Variants in ITIH5 observed in about 807,000 individuals in gnomAD.
ITIH5 encodes inter-alpha-trypsin inhibitor heavy chain H5.
In ITIH5, 65 loss-of-function variants were observed where a neutral mutation model predicts 77.5. The observed-to-expected ratio is 0.84, with a 90% CI of 0.69 to 1.03. The LOEUF (loss-of-function observed/expected upper bound fraction) is 1.03, where lower values mean the gene tolerates loss of function less well. Ranked by LOEUF, ITIH5 falls within the 50% of genes least tolerant of loss-of-function variation. ITIH5 has a pLI of 0.00. For missense variants in ITIH5, 1,208 were observed against 1,213.1 expected, an observed-to-expected ratio of 1.00 and a Z score of 0.06; for synonymous variants, 525 against 494.3, an observed-to-expected ratio of 1.06 and a Z score of -0.82.
At chr10:7,595,705 G>A (rs1056946259) in intron 7 of ITIH5, among the ~76,000 whole-genome samples, 6 of 152,228 alleles carry the variant, frequency 3.9e-5, no homozygotes, top group African/African-American at 1.4e-4. Flanking sequence ...CACAAGGCAG[G>A]ACATAAATAT....
chr10:7,612,049 G>A (rs1333832292), intron 7 of ITIH5, among the ~76,000 whole-genome samples: 1 of 151,702 alleles, frequency 6.6e-6, no homozygotes, highest in African/African-American at 2.4e-5. Flanking sequence ...AAATGTTTTT[G>A]GAATGTGTAC....
chr10:7,644,981 C>T (rs147469101), intron 2 of ITIH5, among the ~76,000 whole-genome samples: 3,361 of 142,916 alleles, frequency 0.024, 108 homozygotes, highest in Non-Finnish European at 0.038. Flanking sequence ...ATCAAGCACA[C>T]CTGAGGATGG....
chr10:7,662,463 A>G (rs77328152), intron 1 of ITIH5, among the ~76,000 whole-genome samples: 2,003 of 152,302 alleles, frequency 0.013, 42 homozygotes, highest in African/African-American at 0.046. Context: ...TCCTAAAAAA[A>G]GCTCAGGTCT....
At chr10:7,621,545 A>G (rs1364032331) in intron 5 of ITIH5, 1 of 152,222 alleles carries the variant, frequency 6.6e-6, no homozygotes, top group Non-Finnish European at 1.5e-5. Flanking sequence ...TTACTCACCA[A>G]GGAGCCTGGT....
chr10:7,563,434 G>T, intron 13 of ITIH5, 50 bp from the exon 14 acceptor site: 1 of 1,532,450 alleles, frequency 6.5e-7, no homozygotes, highest in Non-Finnish European at 8.9e-7. Flanking sequence ...CAGAAACCTC[G>T]TGCTGAACTC....
intron 8 of ITIH5, among the ~76,000 whole-genome samples, chr10:7,582,920 T>C (rs1832596401): frequency 6.6e-6 from 1 of 152,168 alleles, no homozygotes. Flanking sequence ...GACGATCTAG[T>C]ACTTGGTAGT....
intron 13 of ITIH5, among the ~76,000 whole-genome samples, chr10:7,563,922 G>A (rs572880148): frequency 3.9e-5 from 6 of 152,396 alleles, no homozygotes; most frequent in Middle Eastern, 3.4e-3. Context: ...CAGGCCCCAC[G>A]AAACGCGGCC....
chr10:7,642,224 T>A, intron 2 of ITIH5, 134 bp from the exon 3 acceptor site: 3 of 654,424 alleles, frequency 4.6e-6, no homozygotes, highest in Non-Finnish European at 7.7e-6. Flanking sequence ...TCCAATTTCC[T>A]TTCTTCTTCT....
In ITIH5 at chr10:7,641,974, C is replaced by A. The variant is rs1833896695; in HGVS notation, c.252G>T (p.Glu84Asp). Residue 84 changes from glutamate (E) to aspartate (D), a missense_variant, in exon 3 of 14, where the codon GAG becomes GAT. Glu to Asp is a conservative substitution (Grantham distance 45, BLOSUM62 2). Transcript: ENST00000397146. Reference sequence around the variant, plus strand: ...CTGCAGCTGGAATCTGCATCTGGAACTCAATGTCCTGGTCTTCAGAAGCTC... The same window carrying A: ...CTGCAGCTGGAATCTGCATCTGGAAATCAATGTCCTGGTCTTCAGAAGCTC... ...LNRASEDQDI[E>D]FQMQIPAAAF... 7 of 1,614,026 alleles carry A rather than the reference C, an allele frequency of 4.3e-6. No individual in the cohort carries two copies. Among genetic ancestry groups the A allele is most frequent in the Non-Finnish European group, 5.1e-6 (6 of 1,179,988 alleles).
chr10:7,609,033 C>T (rs569085588), intron 7 of ITIH5, among the ~76,000 whole-genome samples: 66 of 152,256 alleles, frequency 4.3e-4, no homozygotes, highest in African/African-American at 1.3e-3. Flanking sequence ...CCATATGTGA[C>T]GTTACAGAGA....
At chr10:7,613,579 T>C (rs1027318588) in intron 7 of ITIH5, among the ~76,000 whole-genome samples, 1 of 152,150 alleles carries the variant, frequency 6.6e-6, no homozygotes, top group Non-Finnish European at 1.5e-5. Context: ...AGAACTTAAA[T>C]ATTTTCTTTA....
chr10:7,659,129 C>A (rs1834235201), intron 1 of ITIH5, among the ~76,000 whole-genome samples: 1 of 152,140 alleles, frequency 6.6e-6, no homozygotes, highest in Admixed American at 6.5e-5. Context: ...GTAATCCCAG[C>A]ACTCCGGGAG....
At chr10:7,574,412 CT>C (rs1243801381) in intron 10 of ITIH5, among the ~76,000 whole-genome samples, 5 of 152,066 alleles carry the variant, frequency 3.3e-5, no homozygotes, top group Non-Finnish European at 7.3e-5. Flanking sequence ...GGAGTGGCAG[CT>C]GCCACCAACT....
chr10:7,631,685 G>A (rs111682771), intron 5 of ITIH5, among the ~76,000 whole-genome samples: 12 of 152,206 alleles, frequency 7.9e-5, no homozygotes, highest in African/African-American at 2.9e-4. Context: ...GTATCTGAGA[G>A]TGAAAACTTG....
rs1564277727 is a variant in ITIH5, at chr10:7,644,619, T to TATATCACATATATATCATAC, written c.136-2530_136-2529insGTATGATATATATGTGATAT. Reference sequence around the variant, plus strand: ...TCATACATATCACATATATCACATATATATCACATATATCACATATATATC... The same window carrying TATATCACATATATATCATAC: ...TCATACATATCACATATATCACATATATATCACATATATATCATACATATCACATATATCACATATATATC... On this transcript the variant is annotated intron_variant, in intron 2 of 13. Transcript: ENST00000397146. Among the ~76,000 whole-genome samples the TATATCACATATATATCATAC allele has an allele frequency of 2.1e-3, 221 of 104,046 alleles. 4 individuals carry two copies. Among genetic ancestry groups the TATATCACATATATATCATAC allele is most frequent in the African/African-American group, 6.9e-3 (212 of 30,514 alleles). The allele number at this position is 104,046 out of a possible 152,430, so 68.3% of individuals were successfully genotyped here.
At chr10:7,598,857 T>C (rs1332884530) in intron 7 of ITIH5, among the ~76,000 whole-genome samples, 1 of 152,226 alleles carries the variant, frequency 6.6e-6, no homozygotes, top group East Asian at 1.9e-4. Context: ...AAAGGCTGAA[T>C]AGGTTTAGAT....
rs184672666 is a variant in ITIH5 at position 7,609,900 on chromosome 10, A to T, written c.939+6082T>A. On this transcript the variant is annotated intron_variant, in intron 7 of 13. Coordinates refer to ENST00000397146, the MANE Select transcript of ITIH5 (RefSeq NM_030569.7). ...TAATTCTATAGATCAGGGAAAGGAA[A>T]GACAAGAAAGTGGACACCATGGTCA... Among the ~76,000 whole-genome samples the T allele has an allele frequency of 2.6e-5, 4 of 152,232 alleles. No homozygotes were observed. The East Asian group carries it at 7.7e-4, about 29-fold the overall frequency.
At chr10:7,644,362 T>C (rs1046274986) in intron 2 of ITIH5, among the ~76,000 whole-genome samples, 2 of 146,578 alleles carry the variant, frequency 1.4e-5, no homozygotes, top group Non-Finnish European at 3.0e-5. Flanking sequence ...ATATATCATA[T>C]ATATCACATA....
At position 7,576,594 on chromosome 10, in the gene ITIH5, G is replaced by A. The variant is rs143458484; in HGVS notation, c.1837C>T (p.Arg613Cys). The change falls in exon 10 of 14, where the codon CGC (arginine) becomes TGC (cysteine). Residue 613 changes from arginine (R) to cysteine (C), a missense_variant. By Grantham distance (180) the Arg-to-Cys change is radical. Coordinates refer to ENST00000397146, the MANE Select transcript of ITIH5 (RefSeq NM_030569.7). ...ATGGAGGTGAAGGGAGTGAGGAAGC[G>A]GTAGCTCACAGCCAGGGCCTGGGCC... ...QRAQALAVSY[R>C]FLTPFTSMKL... 1.0e-4 allele frequency: 163 copies of A among 1,614,040 alleles called. No individual in the cohort carries two copies. In the African/African-American group the frequency reaches 1.5e-3, roughly 15 times the overall value.
Sources: gnomAD v4.1 joint callset for allele counts (sites outside exome capture counted in the v4.1 genomes callset) on GRCh38, gnomAD v4.1.1 for gene constraint, MANE v1.5 for transcripts, NCBI Gene and HGNC (gene_info 2026-07-23, HGNC 2026-07-21) for gene names.